CCDC91: variants seen among roughly 807,000 people sequenced by gnomAD.
CCDC91 encodes the protein coiled-coil domain-containing protein 91.
A neutral mutation model predicts 63.2 loss-of-function variants in CCDC91; 48 were observed. The ratio of observed to expected loss-of-function variants is 0.76; its 90% CI spans 0.60 to 0.97. The LOEUF (loss-of-function observed/expected upper bound fraction) is 0.97. Among genes scored for constraint, CCDC91 ranks in the 50% least tolerant of loss-of-function variants. CCDC91 has a pLI of 0.00. For synonymous variants in CCDC91, 167 were observed against 165.8 expected, an observed-to-expected ratio of 1.01 and a Z score of -0.06; for missense variants, 500 against 494.6, an observed-to-expected ratio of 1.01 and a Z score of -0.10.
chr12:28,396,644 T>TTGTGTG (rs1283305556), intron 8 of CCDC91, among the ~76,000 whole-genome samples: 3 of 15,734 alleles, frequency 1.9e-4, no homozygotes, highest in African/African-American at 2.3e-4. Flanking sequence ...AAAGGAGATT[T>TTGTGTG]TGTGTGTGTG....
chr12:28,213,329 C>T (rs1943364797), intron 1 of CCDC91, among the ~76,000 whole-genome samples: 1 of 152,192 alleles, frequency 6.6e-6, no homozygotes, highest in Admixed American at 6.5e-5. Context: ...AGATGAGGCA[C>T]AAAGTGTGAC....
intron 1 of CCDC91, among the ~76,000 whole-genome samples, chr12:28,252,067 A>G (rs1946149497): frequency 6.6e-6 from 1 of 152,164 alleles, no homozygotes; most frequent in African/African-American, 2.4e-5. Context: ...ATAGAATTCC[A>G]TGCTGTAAAT....
At chr12:28,323,642 T>C (rs1940722779) in intron 6 of CCDC91, among the ~76,000 whole-genome samples, 1 of 151,960 alleles carries the variant, frequency 6.6e-6, no homozygotes, top group Non-Finnish European at 1.5e-5. Flanking sequence ...TTAAACCCTG[T>C]TGCGATTTTG....
At chr12:28,513,865 A>T (rs184796936) in intron 12 of CCDC91, among the ~76,000 whole-genome samples, 6 of 151,798 alleles carry the variant, frequency 4.0e-5, no homozygotes, top group Admixed American at 1.3e-4. Context: ...TCTGTTATTG[A>T]TGGGCATTTA....
rs1238296400 is a variant in CCDC91, at chr12:28,268,608, T to G, written c.109+9166T>G. 4.1e-6 allele frequency: 4 copies of G among 973,874 alleles called. No homozygotes were observed. In the East Asian group the frequency reaches 4.6e-4, roughly 111 times the overall value. 60.3% of individuals were successfully genotyped at this position (973,874 alleles called of 1,614,324 possible). On this transcript the variant is annotated intron_variant, in intron 3 of 12. Transcript: ENST00000536442. Reference sequence around the variant, plus strand: ...TTGGTTCTGGAATTCTTCTTGTTCGTTAGAATGAGGGCTCCATTATTTTGG... The same window carrying G: ...TTGGTTCTGGAATTCTTCTTGTTCGGTAGAATGAGGGCTCCATTATTTTGG...
At chr12:28,357,024 G>A (rs1943571427) in intron 6 of CCDC91, among the ~76,000 whole-genome samples, 1 of 152,170 alleles carries the variant, frequency 6.6e-6, no homozygotes, top group Non-Finnish European at 1.5e-5. Flanking sequence ...GAAGTGATTA[G>A]TAGAGGTTCT....
chr12:28,540,560 T>G (rs1942555352), intron 12 of CCDC91, among the ~76,000 whole-genome samples: 1 of 152,170 alleles, frequency 6.6e-6, no homozygotes, highest in Non-Finnish European at 1.5e-5. Context: ...AGAATAGATT[T>G]GGGTGTCATA....
intron 6 of CCDC91, among the ~76,000 whole-genome samples, chr12:28,330,025 T>C (rs1189755979): frequency 6.6e-6 from 1 of 152,178 alleles, no homozygotes; most frequent in African/African-American, 2.4e-5. Flanking sequence ...TTGATGGACA[T>C]TAGGGTTGGT....
chr12:28,479,696 A>G (rs1397371272), intron 11 of CCDC91, among the ~76,000 whole-genome samples: 2 of 152,026 alleles, frequency 1.3e-5, no homozygotes, highest in Non-Finnish European at 2.9e-5. Flanking sequence ...TGGCATATAT[A>G]CCCTAGATCA....
chr12:28,504,426 C>G (rs1938445422), intron 12 of CCDC91, among the ~76,000 whole-genome samples: 1 of 151,858 alleles, frequency 6.6e-6, no homozygotes, highest in South Asian at 2.1e-4. Flanking sequence ...TGGGAATTAA[C>G]CAAGCTCTAA....
intron 8 of CCDC91, among the ~76,000 whole-genome samples, chr12:28,439,271 TTATC>T (rs1471916839): frequency 1.3e-5 from 2 of 152,188 alleles, no homozygotes; most frequent in Non-Finnish European, 2.9e-5. Context: ...ATCTCACAGT[TTATC>T]TATGTTAGGT....
chr12:28,479,993 C>G (rs1298370766), intron 11 of CCDC91, among the ~76,000 whole-genome samples: 1 of 151,960 alleles, frequency 6.6e-6, no homozygotes, highest in Non-Finnish European at 1.5e-5. Context: ...TTATTGGTAG[C>G]TCTTTACATC....
At chr12:28,383,011 G>A (rs1945386731) in intron 7 of CCDC91, among the ~76,000 whole-genome samples, 2 of 152,038 alleles carry the variant, frequency 1.3e-5, no homozygotes, top group Non-Finnish European at 2.9e-5. Context: ...GAGTCTCTGT[G>A]CTGTACTTAA....
chr12:28,458,581 T>C (rs926828231), intron 11 of CCDC91, among the ~76,000 whole-genome samples: 13 of 148,972 alleles, frequency 8.7e-5, no homozygotes, highest in African/African-American at 3.0e-4. Flanking sequence ...GCAATTCTTC[T>C]GCCTCAGCCT....
chr12:28,230,547 A>G (rs1367044845), intron 1 of CCDC91, among the ~76,000 whole-genome samples: 1 of 152,202 alleles, frequency 6.6e-6, no homozygotes, highest in East Asian at 1.9e-4. Context: ...CATGAGGCTA[A>G]TTTCTACAAA....
intron 3 of CCDC91, among the ~76,000 whole-genome samples, chr12:28,301,273 T>C (rs1938044001): frequency 1.3e-5 from 2 of 151,628 alleles, no homozygotes; most frequent in African/African-American, 2.4e-5. Flanking sequence ...TGTTTTTAAC[T>C]GAAATGGGTG....
intron 8 of CCDC91, among the ~76,000 whole-genome samples, chr12:28,433,466 A>G (rs556530232): frequency 6.6e-6 from 1 of 152,076 alleles, no homozygotes; most frequent in East Asian, 1.9e-4. Flanking sequence ...CAATTTTTTA[A>G]AAAGACTATC....
chr12:28,515,230 G>GA (rs1302476793), intron 12 of CCDC91, among the ~76,000 whole-genome samples: 1 of 151,780 alleles, frequency 6.6e-6, no homozygotes, highest in African/African-American at 2.4e-5. Context: ...CTTCGGCAGG[G>GA]AAAAATTTTT....
chr12:28,403,219 T>A (rs1389520338), intron 8 of CCDC91, among the ~76,000 whole-genome samples: 2 of 152,184 alleles, frequency 1.3e-5, no homozygotes, highest in African/African-American at 4.8e-5. Context: ...ACAGTATTGT[T>A]ATAATTATTT....
Sources: gnomAD v4.1 joint callset for allele counts (sites outside exome capture counted in the v4.1 genomes callset) on GRCh38, gnomAD v4.1.1 for gene constraint, MANE v1.5 for transcripts, NCBI Gene and HGNC (gene_info 2026-07-23, HGNC 2026-07-21) for gene names.